KMT2A: variants seen among roughly 807,000 people sequenced by gnomAD.
KMT2A encodes histone-lysine N-methyltransferase 2A.
KMT2A carries 16 observed loss-of-function variants against 345.3 expected under a neutral mutation model. The observed-to-expected ratio is 0.05, with a 90% CI of 0.03 to 0.07. The LOEUF (loss-of-function observed/expected upper bound fraction) is 0.07, where lower values mean the gene tolerates loss of function less well. Among genes scored for constraint, KMT2A ranks in the 10% least tolerant of loss-of-function variants. The probability of loss-of-function intolerance (pLI) is 1.00; values close to 1 mark genes in which losing one functional copy is unlikely to be tolerated. For synonymous variants in KMT2A, 1,599 were observed against 1,778.6 expected (o/e 0.90, Z 2.54); for missense variants, 3,272 against 4,841.6 (o/e 0.68, Z 9.62).
chr11:118,442,968 C>T (rs1168083555), intron 1 of KMT2A, among the ~76,000 whole-genome samples: 2 of 152,110 alleles, frequency 1.3e-5, no homozygotes, highest in Admixed American at 6.5e-5. Context: ...TATGAGGTTA[C>T]GCAGACAAAG....
chr11:118,505,040 G>A lies in KMT2A; in HGVS notation c.9148G>A (p.Val3050Met), dbSNP rs1359868730. 9.9e-6 allele frequency: 16 copies of A among 1,614,150 alleles called. No individual in the cohort carries two copies. Among genetic ancestry groups the A allele is most frequent in the Non-Finnish European group, 1.4e-5 (16 of 1,180,036 alleles). The change falls in exon 27 of 36, where the codon GTG becomes ATG. Residue 3050 changes from valine to methionine, a missense_variant. Physicochemically the swap from Val to Met is conservative, Grantham distance 21. This residue lies in a region of KMT2A where 748 missense variants were observed against 922.2 expected (regional missense o/e 0.81). Coordinates refer to ENST00000534358, the MANE Select transcript of KMT2A (RefSeq NM_001197104.2). The surrounding 1 kb of genome is among the most constrained non-coding windows in gnomAD (Gnocchi z 4.6). ...PTVPIQNQKY[V>M]PNSTDSPGPS... ...TGTTCCCATCCAGAACCAGAAGTAT[G>A]TGCCCAATTCTACTGATAGTCCTGG...
chr11:118,439,749 A>C (rs2134165427), intron 1 of KMT2A, among the ~76,000 whole-genome samples: 1 of 152,290 alleles, frequency 6.6e-6, no homozygotes, highest in Non-Finnish European at 1.5e-5. Context: ...CATTATGAGA[A>C]GAGTGGTTGA....
chr11:118,475,245 A>C lies in KMT2A; in HGVS notation c.3156+930A>C, dbSNP rs572798917. ...TTAAGATGATGCCAAATATTTTTAC[A>C]AAGACCAGCATTTTTGTTTTTTTTT... On this transcript the variant is annotated intron_variant, in intron 3 of 35. Transcript: ENST00000534358. 2.9e-4 allele frequency among the ~76,000 whole-genome samples: 44 copies of C among 152,336 alleles called. No individual in the cohort carries two copies. In the South Asian group the frequency reaches 8.7e-3, roughly 30 times the overall value.
intron 30 of KMT2A, 57 bp from the exon 31 acceptor site, chr11:118,511,894 T>G: frequency 7.5e-7 from 1 of 1,339,836 alleles, no homozygotes; most frequent in East Asian, 2.3e-5. Flanking sequence ...TCATTGGTAT[T>G]AAGAAGGGTT....
In KMT2A at chr11:118,501,754, T is replaced by C. The variant is rs1555045751; in HGVS notation, c.6402T>C (p.Ser2134=). The C allele has an allele frequency of 6.2e-7, 1 of 1,613,940 alleles. No individual in the cohort carries two copies. Among genetic ancestry groups the C allele is most frequent in the African/African-American group, 1.3e-5 (1 of 74,922 alleles). Residue 2134 remains serine, a synonymous_variant, in exon 26 of 36, where the codon TCT becomes TCC. Coordinates refer to ENST00000534358, the MANE Select transcript of KMT2A (RefSeq NM_001197104.2). ...SPDRPPHSQT[S]GSCYYHVISK... is the part of the protein sequence containing the mutation. The stretch of plus-strand genomic sequence containing the variant: ...ACCGACCTCCTCATTCACAAACCTC[T>C]GGCTCCTGTTATTATCATGTCATCT...
rs1385902057 is a variant in KMT2A, at chr11:118,503,806, T to C, written c.7914T>C (p.Tyr2638=). Residue 2638 remains tyrosine, a synonymous_variant, in exon 27 of 36, where the codon TAT becomes TAC. Coordinates refer to ENST00000534358, the MANE Select transcript of KMT2A (RefSeq NM_001197104.2). This position sits in a 1 kb window ranked among gnomAD's most constrained non-coding sequence, Gnocchi z 5.3. ...SNMFFGLTPL[Y]GVRSYGEEDI... ...TGTTTTTTGGGCTTACCCCACTCTA[T>C]GGAGTAAGATCCTATGGTGAAGAAG... The C allele has an allele frequency of 9.9e-6, 16 of 1,614,192 alleles. No individual in the cohort carries two copies. Among genetic ancestry groups the C allele is most frequent in the Non-Finnish European group, 1.4e-5 (16 of 1,180,028 alleles).
At chr11:118,516,407 A>G (rs1323993406) in intron 31 of KMT2A, among the ~76,000 whole-genome samples, 1 of 152,216 alleles carries the variant, frequency 6.6e-6, no homozygotes, top group Non-Finnish European at 1.5e-5. Context: ...TAGTGTGCCA[A>G]GATCATACCT....
At chr11:118,507,718 A>G in intron 28 of KMT2A, 109 bp downstream of exon 28, 1 of 828,390 alleles carries the variant, frequency 1.2e-6, no homozygotes, top group Non-Finnish European at 2.0e-6. Flanking sequence ...TAATCCTAGT[A>G]GTCTGGGAGG....
At position 118,525,077 on chromosome 11, in the gene KMT2A, G is replaced by C. The variant is rs1951053047; in HGVS notation, c.*2905G>C. 4.6e-6 allele frequency: 1 copy of C among 218,094 alleles called. No homozygotes were observed. Among genetic ancestry groups the C allele is most frequent in the Admixed American group, 5.8e-5 (1 of 17,232 alleles). 13.5% of individuals were successfully genotyped at this position (218,094 alleles called of 1,614,324 possible). Reference sequence around the variant, plus strand: ...CCAGCAACTTGGGGGAATAAGCGAAGGTTTCCCTACAAGAGGGAAAGAAGG... The same window carrying C: ...CCAGCAACTTGGGGGAATAAGCGAACGTTTCCCTACAAGAGGGAAAGAAGG... On this transcript the variant is annotated 3_prime_UTR_variant, in exon 36 of 36. Transcript: ENST00000534358.
intron 1 of KMT2A, among the ~76,000 whole-genome samples, chr11:118,439,475 C>T (rs1285261373): frequency 1.3e-5 from 2 of 152,174 alleles, no homozygotes; most frequent in Admixed American, 6.5e-5. Flanking sequence ...AGAAAGAGAG[C>T]CACCTGGATT....
intron 3 of KMT2A, among the ~76,000 whole-genome samples, chr11:118,475,441 G>A (rs558969875): frequency 2.0e-5 from 3 of 152,154 alleles, no homozygotes; most frequent in East Asian, 1.9e-4. Flanking sequence ...TGTTATTCAC[G>A]GGCTGGGTAC....
Position 118,504,525 on chromosome 11 carries a change from T to C in KMT2A, c.8633T>C (p.Leu2878Pro). 6.2e-7 allele frequency: 1 copy of C among 1,614,198 alleles called. No homozygotes were observed. Among genetic ancestry groups the C allele is most frequent in the South Asian group, 1.1e-5 (1 of 91,072 alleles). The change falls in exon 27 of 36, where the codon CTG becomes CCG. Residue 2878 changes from leucine to proline, a missense_variant. This residue lies in a region of KMT2A where 17 missense variants were observed against 50.6 expected (regional missense o/e 0.34). Transcript: ENST00000534358. The surrounding 1 kb of genome is among the most constrained non-coding windows in gnomAD (Gnocchi z 6.4). ...CCAGAGTCATCTTCATCAGAACTCC[T>C]GAATCTTGGTGAAGGATTGGGTCTT... is the stretch of plus-strand genomic sequence containing the variant. ...ESPESSSSEL[L>P]NLGEGLGLDS...
chr11:118,468,953 GA>G (rs1565276357), intron 2 of KMT2A, 109 bp downstream of exon 2: 1 of 713,156 alleles, frequency 1.4e-6, no homozygotes, highest in Non-Finnish European at 2.4e-6. Context: ...CTTGGGTTAG[GA>G]AATGGCTGAT....
Position 118,503,482 on chromosome 11 carries a change from A to G in KMT2A, c.7590A>G (p.Leu2530=). 6 of 1,614,178 alleles carry G rather than the reference A, an allele frequency of 3.7e-6. No individual in the cohort carries two copies. Among genetic ancestry groups the G allele is most frequent in the Non-Finnish European group, 5.1e-6 (6 of 1,180,012 alleles). ...KRTVKVTLTP[L]KMENESQSKN... is the part of the protein sequence containing the mutation. ...CAGTCAAAGTGACACTGACACCTCT[A>G]AAAATGGAAAATGAGAGTCAATCCA... The change falls in exon 27 of 36, where the codon CTA becomes CTG. Residue 2530 remains leucine, a synonymous_variant. Transcript: ENST00000534358. This position sits in a 1 kb window ranked among gnomAD's most constrained non-coding sequence, Gnocchi z 5.3.
chr11:118,474,406 G>C, intron 3 of KMT2A, 91 bp downstream of exon 3: 1 of 1,448,796 alleles, frequency 6.9e-7, no homozygotes, highest in Non-Finnish European at 9.1e-7. Context: ...ATTACATCCA[G>C]TTATGAGAAC....
rs781816624 is a variant in KMT2A, at chr11:118,509,163, G to C, written c.10863G>C (p.Gln3621His). ...AGQVAVLPEV[Q>H]VTQNPANEQE... ...AAGTCGCTGTTCTTCCGGAAGTTCA[G>C]GTGACCCAAAATCCAGCAAATGAAC... The change falls in exon 29 of 36, where the codon CAG (glutamine) becomes CAC (histidine). Residue 3621 changes from glutamine (Q) to histidine (H), a missense_variant. Physicochemically the swap from Gln to His is conservative, Grantham distance 24. Transcript: ENST00000534358. The C allele has an allele frequency of 3.0e-5, 49 of 1,613,718 alleles. No homozygotes were observed. The highest frequency in any genetic ancestry group is 4.0e-5 in the Non-Finnish European group (47 of 1,179,866).
At chr11:118,519,427 T>C (rs1158512423) in intron 31 of KMT2A, 191 bp from the exon 32 acceptor site, 1 of 528,888 alleles carries the variant, frequency 1.9e-6, no homozygotes, top group Non-Finnish European at 3.4e-6. Flanking sequence ...ATCACAAACA[T>C]TTTCCATATT....
rs1555043955 is a variant in KMT2A at position 118,496,363 on chromosome 11, C to T, written c.5660C>T (p.Ala1887Val). The change falls in exon 20 of 36, where the codon GCT (alanine) becomes GTT (valine). Residue 1887 changes from alanine to valine, a missense_variant. Coordinates refer to ENST00000534358, the MANE Select transcript of KMT2A (RefSeq NM_001197104.2). This position sits in a 1 kb window ranked among gnomAD's most constrained non-coding sequence, Gnocchi z 4.7. ...ALCLTYGDDS[A>V]NDAGRLLYIG... Reference sequence around the variant, plus strand: ...TGTTTGACTTATGGTGATGACAGTGCTAATGTAAGTACTTTGCAACACAGG... The same window carrying T: ...TGTTTGACTTATGGTGATGACAGTGTTAATGTAAGTACTTTGCAACACAGG... 6.2e-7 allele frequency: 1 copy of T among 1,608,674 alleles called. No homozygotes were observed. The highest frequency in any genetic ancestry group is 8.5e-7 in the Non-Finnish European group (1 of 1,175,158).
chr11:118,509,988 C>T lies in KMT2A; in HGVS notation c.10941C>T (p.Ser3647=), dbSNP rs1950655246. 3 of 1,612,534 alleles carry T rather than the reference C, an allele frequency of 1.9e-6. No individual in the cohort carries two copies. Among genetic ancestry groups the T allele is most frequent in the Non-Finnish European group, 2.5e-6 (3 of 1,179,156 alleles). ...TVEEEESNFS[S]PLMLWLQQEQ... ...AAGAAGAGGAAAGTAATTTCAGCTC[C>T]CCACTGATGCTTTGGCTTCAGCAAG... The change falls in exon 30 of 36, where the codon TCC becomes TCT. Residue 3647 remains serine (S), a synonymous_variant. Coordinates refer to ENST00000534358, the MANE Select transcript of KMT2A (RefSeq NM_001197104.2).
Sources: allele counts gnomAD v4.1 joint callset (sites outside exome capture counted in the v4.1 genomes callset), GRCh38; gene constraint gnomAD v4.1.1; regional missense constraint gnomAD v4.1.1; non-coding constraint Gnocchi (gnomAD v3.1); transcripts MANE v1.5; gene names NCBI Gene and HGNC (gene_info 2026-07-23, HGNC 2026-07-21).